The following PSMD14 variants were observed in gnomAD, a reference collection of about 807,000 sequenced individuals.
PSMD14 encodes proteasome 26S subunit, non-ATPase 14, also known as ubiquitin C-terminal hydrolase PSMD14.
PSMD14 carries 7 observed loss-of-function variants against 41.2 expected under a neutral mutation model. The ratio of observed to expected loss-of-function variants is 0.17; its 90% CI spans 0.10 to 0.32. PSMD14 has a LOEUF of 0.32. Among genes scored for constraint, PSMD14 ranks in the 10% least tolerant of loss-of-function variants. PSMD14 has a pLI of 1.00. For missense variants in PSMD14, 139 were observed against 375.6 expected (o/e 0.37, Z 5.21); for synonymous variants, 114 against 122.3 (o/e 0.93, Z 0.45).
chr2:161,395,515 C>T (rs1683780456), intron 10 of PSMD14, among the ~76,000 whole-genome samples: 1 of 152,124 alleles, frequency 6.6e-6, no homozygotes. Context: ...CATTTGAAAT[C>T]TCTTCATTAT....
Position 161,322,238 on chromosome 2 carries a change from A to G in PSMD14, c.48+3365A>G, listed in dbSNP as rs1246163805. ...TCATTATTTGTAGAAACAATTCAGT[A>G]TTTCATTTGAATTTTTCTTGTACTA... On this transcript the variant is annotated intron_variant, in intron 3 of 11. Transcript: ENST00000409682. Among the ~76,000 whole-genome samples, 3 of 152,104 alleles carry G rather than the reference A, an allele frequency of 2.0e-5. No homozygotes were observed. The East Asian group carries it at 5.8e-4, about 29-fold the overall frequency.
chr2:161,370,258 A>G lies in PSMD14; in HGVS notation c.311+81A>G, dbSNP rs568924218. The G allele has an allele frequency of 5.2e-5, 57 of 1,095,806 alleles. No individual in the cohort carries two copies. The African/African-American group carries it at 8.5e-4, about 16-fold the overall frequency. 67.9% of individuals were successfully genotyped at this position (1,095,806 alleles called of 1,614,324 possible). ...ACCTCAAAGTTATAGATGTTTATCA[A>G]TGTCATTTCTAGAAAAAGTGGTTAT... On this transcript the variant is annotated intron_variant, in intron 6 of 11. Transcript: ENST00000409682.
chr2:161,316,418 T>G lies in PSMD14; in HGVS notation c.-137-19T>G, dbSNP rs1352519467. ...AAATTATCAAAATAATTATATTTTA[T>G]TTTGTTTACTTTTTTTAGGAGAGAA... On this transcript the variant is annotated intron_variant, in intron 1 of 11. Transcript: ENST00000409682. The G allele has an allele frequency of 2.0e-5, 3 of 152,220 alleles. No homozygotes were observed. In the East Asian group the frequency reaches 5.8e-4, roughly 29 times the overall value. The allele number at this position is 152,220 out of a possible 1,614,324, so 9.4% of individuals were successfully genotyped here. A position where few individuals can be genotyped will look rare whatever the true frequency, so the allele number is the denominator to read the frequency against.
intron 3 of PSMD14, among the ~76,000 whole-genome samples, chr2:161,333,049 G>A (rs1682818419): frequency 6.6e-6 from 1 of 152,174 alleles, no homozygotes; most frequent in African/African-American, 2.4e-5. Flanking sequence ...TACCCCTTGT[G>A]TGAAATGACT....
chr2:161,336,155 TGG>T (rs1320809238), intron 3 of PSMD14, among the ~76,000 whole-genome samples: 54 of 152,006 alleles, frequency 3.6e-4, no homozygotes, highest in Non-Finnish European at 7.5e-4. Flanking sequence ...TTTATTCATT[TGG>T]TCTCCACCTT....
intron 8 of PSMD14, among the ~76,000 whole-genome samples, chr2:161,389,912 T>TTTTTTTTTTTTTTTTTTTTTTTTTTTTG (rs1299369817): frequency 1.5e-5 from 2 of 130,246 alleles, no homozygotes; most frequent in East Asian, 2.2e-4. Context: ...TTTTTTTTTT[T>TTTTTTTTTTTTTTTTTTTTTTTTTTTTG]AGAGATGGGG....
At chr2:161,309,327 G>A (rs1273259227) in intron 1 of PSMD14, among the ~76,000 whole-genome samples, 1 of 152,150 alleles carries the variant, frequency 6.6e-6, no homozygotes, top group African/African-American at 2.4e-5. Context: ...TATAAACCTA[G>A]TGACTGAAGG....
At chr2:161,347,615 G>A (rs1250005591) in intron 3 of PSMD14, among the ~76,000 whole-genome samples, 1 of 152,198 alleles carries the variant, frequency 6.6e-6, no homozygotes, top group Non-Finnish European at 1.5e-5. Flanking sequence ...TTCAGAGATA[G>A]TGAATAAATA....
intron 3 of PSMD14, chr2:161,341,469 C>G (rs1317887107): frequency 3.9e-6 from 1 of 257,806 alleles, no homozygotes; most frequent in Non-Finnish European, 6.1e-6. Flanking sequence ...GATATTTTCT[C>G]CCAGTACATG....
chr2:161,373,071 T>C (rs1683461412), intron 7 of PSMD14, among the ~76,000 whole-genome samples: 1 of 151,822 alleles, frequency 6.6e-6, no homozygotes, highest in Admixed American at 6.6e-5. Flanking sequence ...CCTTTTGTAA[T>C]GTTTAAAATG....
At chr2:161,313,904 T>G (rs772683054) in intron 1 of PSMD14, among the ~76,000 whole-genome samples, 1 of 152,180 alleles carries the variant, frequency 6.6e-6, no homozygotes, top group East Asian at 1.9e-4. Flanking sequence ...CACATAAAAT[T>G]TACTATTCTA....
chr2:161,357,454 C>G (rs1443571862), intron 3 of PSMD14, among the ~76,000 whole-genome samples: 1 of 152,046 alleles, frequency 6.6e-6, no homozygotes, highest in African/African-American at 2.4e-5. Context: ...GGATTTTCCC[C>G]CTTTTTATAA....
At chr2:161,390,913 C>A (rs1023557826) in intron 8 of PSMD14, among the ~76,000 whole-genome samples, 191 bp from the exon 9 acceptor site, 1 of 152,078 alleles carries the variant, frequency 6.6e-6, no homozygotes, top group Non-Finnish European at 1.5e-5. Context: ...ATGTGTAACC[C>A]GTTCCTCTAA....
intron 3 of PSMD14, among the ~76,000 whole-genome samples, chr2:161,350,294 A>T (rs1862953): frequency 0.91 from 139,021 of 152,264 alleles, 63,514 homozygotes; most frequent in East Asian, 1. Context: ...TCCCAAATAC[A>T]GCCTGGGATG....
chr2:161,368,862 C>T (rs970350536), intron 5 of PSMD14, among the ~76,000 whole-genome samples: 1 of 151,700 alleles, frequency 6.6e-6, no homozygotes, highest in Non-Finnish European at 1.5e-5. Flanking sequence ...TAAAAATAAG[C>T]ATTTAAAATA....
At chr2:161,329,228 A>G (rs1000587300) in intron 3 of PSMD14, among the ~76,000 whole-genome samples, 2 of 152,172 alleles carry the variant, frequency 1.3e-5, no homozygotes, top group Non-Finnish European at 2.9e-5. Flanking sequence ...TTTAAAATAA[A>G]TTACAGATTA....
At chr2:161,319,637 C>A (rs1689182379) in intron 3 of PSMD14, among the ~76,000 whole-genome samples, 1 of 152,066 alleles carries the variant, frequency 6.6e-6, no homozygotes. Context: ...TGTTTTATGA[C>A]CAAATATTAG....
chr2:161,311,753 TA>T (rs1689090049), intron 1 of PSMD14, among the ~76,000 whole-genome samples: 1 of 150,982 alleles, frequency 6.6e-6, no homozygotes, highest in African/African-American at 2.4e-5. Flanking sequence ...TAGCTGGGAT[TA>T]CAGGTGCCTG....
At chr2:161,348,191 C>A (rs893284365) in intron 3 of PSMD14, among the ~76,000 whole-genome samples, 2 of 152,298 alleles carry the variant, frequency 1.3e-5, no homozygotes, top group East Asian at 3.9e-4. Flanking sequence ...CCCTAGAGAA[C>A]GTCTCCCACA....
Sources: allele counts gnomAD v4.1 joint callset (sites outside exome capture counted in the v4.1 genomes callset), GRCh38; gene constraint gnomAD v4.1.1; transcripts MANE v1.5; gene names NCBI Gene and HGNC (gene_info 2026-07-23, HGNC 2026-07-21).